Variants in CAST observed in about 807,000 individuals in gnomAD.
The protein encoded by CAST is MIR583 host.
In CAST, 76 loss-of-function variants were observed where a neutral mutation model predicts 119.6. That is an observed-to-expected ratio of 0.64 (90% CI 0.53 to 0.77). CAST has a LOEUF of 0.77. Among genes scored for constraint, CAST ranks in the 30% least tolerant of loss-of-function variants. The probability of loss-of-function intolerance (pLI) is 0.00; values close to 1 mark genes in which losing one functional copy is unlikely to be tolerated. For missense variants in CAST, 953 were observed against 946.5 expected (o/e 1.01, Z -0.09); for synonymous variants, 319 against 331.6 (o/e 0.96, Z 0.41).
chr5:96,543,203 A>G (rs1311229607), intron 1 of CAST, among the ~76,000 whole-genome samples: 2 of 152,240 alleles, frequency 1.3e-5, no homozygotes, highest in South Asian at 2.1e-4. Flanking sequence ...CTATGCAGCC[A>G]TAAAAAGAAT....
chr5:96,372,845 C>A, the CAST span, among the ~76,000 whole-genome samples: 1 of 152,294 alleles, frequency 6.6e-6, no homozygotes, highest in East Asian at 1.9e-4. Context: ...AAAAGGACAT[C>A]TTTTGCATCA....
At chr5:96,455,877 A>G in the CAST span, among the ~76,000 whole-genome samples, 2 of 152,072 alleles carry the variant, frequency 1.3e-5, no homozygotes, top group African/African-American at 4.8e-5. Flanking sequence ...CCTCTTGTAT[A>G]CCTTAAGGTC....
the CAST span, among the ~76,000 whole-genome samples, chr5:96,021,667 T>C: frequency 0.053 from 8,126 of 152,036 alleles, 547 homozygotes; most frequent in African/African-American, 0.15. Flanking sequence ...AGGATGGTCT[T>C]TATCTCCTGA....
the CAST span, among the ~76,000 whole-genome samples, chr5:96,106,794 C>G: frequency 6.7e-6 from 1 of 148,988 alleles, no homozygotes; most frequent in Non-Finnish European, 1.5e-5. Context: ...CTTTCTGTCT[C>G]GTTGATCTGT....
chr5:96,296,227 G>C, the CAST span, among the ~76,000 whole-genome samples: 1 of 152,094 alleles, frequency 6.6e-6, no homozygotes, highest in Admixed American at 6.5e-5. Context: ...TCTCCGGCCT[G>C]GTTAGATCCT....
chr5:96,593,757 C>G (rs1747004759), intron 1 of CAST, among the ~76,000 whole-genome samples: 2 of 152,168 alleles, frequency 1.3e-5, no homozygotes, highest in South Asian at 4.1e-4. Context: ...CTCTCTTGCC[C>G]TCTTTCCACC....
At chr5:96,179,537 C>G in the CAST span, among the ~76,000 whole-genome samples, 1 of 152,298 alleles carries the variant, frequency 6.6e-6, no homozygotes, top group African/African-American at 2.4e-5. Flanking sequence ...GTTTCCAACT[C>G]AGCAGCTAGC....
intron 1 of CAST, among the ~76,000 whole-genome samples, chr5:96,625,586 G>A (rs1747705607): frequency 6.6e-6 from 1 of 152,204 alleles, no homozygotes; most frequent in Admixed American, 6.5e-5. Flanking sequence ...TTTTAAAGAA[G>A]AGTGAAAAGC....
At chr5:96,433,083 G>GA in the CAST span, 2 of 1,592,304 alleles carry the variant, frequency 1.3e-6, no homozygotes, top group Non-Finnish European at 1.7e-6. Context: ...AAGGGAAGAG[G>GA]AAAAAGAAGC....
At chr5:95,981,861 G>A in the CAST span, among the ~76,000 whole-genome samples, 3 of 152,030 alleles carry the variant, frequency 2.0e-5, no homozygotes, top group African/African-American at 4.8e-5. Context: ...GCAACAGAGC[G>A]AGACTCCATT....
the CAST span, among the ~76,000 whole-genome samples, chr5:95,983,061 G>A: frequency 6.6e-6 from 1 of 152,254 alleles, no homozygotes; most frequent in South Asian, 2.1e-4. Flanking sequence ...GTAAATAAAA[G>A]CAGCCAGACA....
At chr5:96,614,758 AAT>A (rs201879068) in intron 1 of CAST, among the ~76,000 whole-genome samples, 139 of 151,752 alleles carry the variant, frequency 9.2e-4, no homozygotes, top group African/African-American at 3.3e-3. Flanking sequence ...TTAAAAACTG[AAT>A]ATATATATAT....
chr5:96,618,045 T>A (rs779452795), intron 1 of CAST, among the ~76,000 whole-genome samples: 5 of 152,020 alleles, frequency 3.3e-5, no homozygotes, highest in Admixed American at 6.5e-5. Context: ...GGGTGTTAAC[T>A]GAGGGGGGCC....
chr5:96,330,019 T>G, the CAST span, among the ~76,000 whole-genome samples: 1 of 152,244 alleles, frequency 6.6e-6, no homozygotes, highest in Non-Finnish European at 1.5e-5. Context: ...CAACTTGATT[T>G]CACAGTGAAT....
Position 96,773,724 on chromosome 5 carries a change from C to A in CAST, c.*1108C>A, listed in dbSNP as rs1370040052. The A allele has an allele frequency of 6.6e-6, 1 of 152,268 alleles. No homozygotes were observed. The highest frequency in any genetic ancestry group is 1.5e-5 in the Non-Finnish European group (1 of 68,012). 9.4% of individuals were successfully genotyped at this position (152,268 alleles called of 1,614,324 possible). On this transcript the variant is annotated 3_prime_UTR_variant, in exon 32 of 32. Transcript: ENST00000675179. ...TAATGAATAGTTCCTGAACATTGCA[C>A]TGATATCATCGATTAGAATTTTGAT...
chr5:96,573,944 T>TTGATTCA (rs1746618200), intron 1 of CAST, among the ~76,000 whole-genome samples: 1 of 152,200 alleles, frequency 6.6e-6, no homozygotes, highest in South Asian at 2.1e-4. Context: ...TCTTCAGTAT[T>TTGATTCA]TGATTCATTT....
the CAST span, among the ~76,000 whole-genome samples, chr5:95,986,936 T>C: frequency 6.6e-6 from 1 of 152,138 alleles, no homozygotes; most frequent in Non-Finnish European, 1.5e-5. Flanking sequence ...GGACCACTCC[T>C]AAGGACCTTT....
Position 96,772,624 on chromosome 5 carries a change from AT to A in CAST, c.*24-13del, listed in dbSNP as rs2150824536. 1 of 152,820 alleles carries A rather than the reference AT, an allele frequency of 6.5e-6. No homozygotes were observed. Among genetic ancestry groups the A allele is most frequent in the South Asian group, 2.1e-4 (1 of 4,826 alleles). 9.5% of individuals were successfully genotyped at this position (152,820 alleles called of 1,614,324 possible). A position where few individuals can be genotyped will look rare whatever the true frequency, so the allele number is the denominator to read the frequency against. On this transcript the variant is annotated splice_polypyrimidine_tract_variant and intron_variant, in intron 31 of 31. Transcript: ENST00000675179. ...TATTAAATGATTCACTGCATTTTTT[AT>A]TTGAAATTTTTAAGGTATCTGCATG...
the CAST span, among the ~76,000 whole-genome samples, chr5:96,504,955 G>T: frequency 6.6e-6 from 1 of 152,174 alleles, no homozygotes; most frequent in South Asian, 2.1e-4. Flanking sequence ...TTAATAGTCA[G>T]CTACCAGTGT....
Sources: gnomAD v4.1 joint callset for allele counts (sites outside exome capture counted in the v4.1 genomes callset) on GRCh38, gnomAD v4.1.1 for gene constraint, MANE v1.5 for transcripts, NCBI Gene and HGNC (gene_info 2026-07-23, HGNC 2026-07-21) for gene names.